DIP2C: variants seen among roughly 807,000 people sequenced by gnomAD.
DIP2C encodes DIP2 acetate--CoA ligase C (putative), also known as disco-interacting protein 2 homolog C.
A neutral mutation model predicts 192.4 loss-of-function variants in DIP2C; 33 were observed. The observed-to-expected ratio is 0.17, with a 90% confidence interval of 0.13 to 0.23. DIP2C has a LOEUF of 0.23. Among genes scored for constraint, DIP2C ranks in the 10% least tolerant of loss-of-function variants. The pLI is 1.00. For missense variants in DIP2C, 1,537 were observed against 2,110.1 expected, an observed-to-expected ratio of 0.73 and a Z score of 5.32; for synonymous variants, 979 against 864.1, an observed-to-expected ratio of 1.13 and a Z score of -2.33.
intron 1 of DIP2C, among the ~76,000 whole-genome samples, chr10:674,789 T>TATATATATATATATATATATATAGAG: frequency 1.1e-4 from 7 of 62,480 alleles, no homozygotes; most frequent in African/African-American, 4.5e-4. Context: ...TATATATATA[T>TATATATATATATATATATATATAGAG]AGAGAGAGAG....
chr10:275,596 A>G lies in DIP2C; in HGVS notation c.*1729T>C, dbSNP rs1170963577. 1 of 152,042 alleles carries G rather than the reference A, an allele frequency of 6.6e-6. No homozygotes were observed. The highest frequency in any genetic ancestry group is 2.4e-5 in the African/African-American group (1 of 41,384). 9.4% of individuals were successfully genotyped at this position (152,042 alleles called of 1,614,324 possible). On this transcript the variant is annotated 3_prime_UTR_variant, in exon 37 of 37. Coordinates refer to ENST00000280886, the MANE Select transcript of DIP2C (RefSeq NM_014974.3). ...GGCAGAGAAAGACGCTGCCCACAAC[A>G]TAATGAAAGATCATCTACATTTTGC...
intron 3 of DIP2C, among the ~76,000 whole-genome samples, chr10:456,719 T>C (rs929542236): frequency 2.6e-5 from 4 of 152,166 alleles, no homozygotes; most frequent in Non-Finnish European, 5.9e-5. Flanking sequence ...GCCATCTGTG[T>C]TCCCTCCCTT....
In DIP2C at chr10:398,051, G is replaced by T. The variant is rs144897618; in HGVS notation, c.1260+1058C>A. On this transcript the variant is annotated intron_variant, in intron 10 of 36. Transcript: ENST00000280886. ...CAAATAGCAGGCCCTGAAAGAAATC[G>T]AAGTATTTTACCTCAAAATATATTT... Among the ~76,000 whole-genome samples the T allele has an allele frequency of 2.0e-3, 299 of 152,170 alleles. 4 individuals carry two copies. In the East Asian group the frequency reaches 0.048, roughly 24 times the overall value.
At chr10:543,021 C>T (rs376691555) in intron 1 of DIP2C, among the ~76,000 whole-genome samples, 1 of 152,224 alleles carries the variant, frequency 6.6e-6, no homozygotes, top group African/African-American at 2.4e-5. Flanking sequence ...TGAGTGATGA[C>T]GATGACACCA....
intron 1 of DIP2C, among the ~76,000 whole-genome samples, chr10:534,014 A>G (rs1847561400): frequency 6.6e-6 from 1 of 150,704 alleles, no homozygotes; most frequent in Non-Finnish European, 1.5e-5. Context: ...AAAAAAAAAA[A>G]GAGGAACGTT....
At chr10:496,501 C>T (rs1433534180) in intron 1 of DIP2C, among the ~76,000 whole-genome samples, 1 of 150,734 alleles carries the variant, frequency 6.6e-6, no homozygotes, top group Non-Finnish European at 1.5e-5. Context: ...CAGTGCCCTC[C>T]CGTGTACTTA....
intron 32 of DIP2C, among the ~76,000 whole-genome samples, chr10:294,813 C>T (rs1955670340): frequency 1.3e-5 from 2 of 151,930 alleles, no homozygotes; most frequent in South Asian, 4.2e-4. Flanking sequence ...CAAAAATAAG[C>T]AAATAGGATT....
chr10:492,201 G>C (rs139061186), intron 1 of DIP2C, among the ~76,000 whole-genome samples: 118 of 152,336 alleles, frequency 7.7e-4, no homozygotes, highest in African/African-American at 2.7e-3. Flanking sequence ...CCAGACAGCA[G>C]ACAGAAGGGT....
chr10:347,877 C>T (rs12772212), intron 26 of DIP2C, among the ~76,000 whole-genome samples: 867 of 3,952 alleles, frequency 0.22, 49 homozygotes, highest in Non-Finnish European at 0.3. Context: ...ATAGCTCTCC[C>T]GGAAACCCCA....
intron 1 of DIP2C, among the ~76,000 whole-genome samples, chr10:567,197 T>G (rs983643395): frequency 1.5e-5 from 2 of 129,384 alleles, no homozygotes; most frequent in African/African-American, 8.9e-5. Flanking sequence ...TGTTTTGTTT[T>G]GTTTTTTTTA....
At chr10:372,960 G>A (rs190374982) in intron 17 of DIP2C, among the ~76,000 whole-genome samples, 122 of 152,330 alleles carry the variant, frequency 8.0e-4, no homozygotes, top group African/African-American at 2.7e-3. Flanking sequence ...GGTACCCTCC[G>A]TGTGCCAAAT....
chr10:417,880 AC>A (rs1160685719), intron 6 of DIP2C, among the ~76,000 whole-genome samples: 2 of 76,038 alleles, frequency 2.6e-5, no homozygotes, highest in Admixed American at 1.3e-4. Flanking sequence ...CTCCCTGTCC[AC>A]CTGCACCTGT....
intron 1 of DIP2C, chr10:668,850 T>C (rs1267871652): frequency 6.6e-6 from 1 of 152,248 alleles, no homozygotes; most frequent in East Asian, 1.9e-4. Context: ...ATTACAATAA[T>C]ATAGCATAAA....
intron 2 of DIP2C, among the ~76,000 whole-genome samples, chr10:475,182 A>T (rs915809361): frequency 6.6e-6 from 1 of 152,140 alleles, no homozygotes; most frequent in Admixed American, 6.5e-5. Context: ...GGAGGAGGAA[A>T]AGCGGCCGCC....
intron 2 of DIP2C, among the ~76,000 whole-genome samples, chr10:473,863 T>A (rs964646859): frequency 6.6e-6 from 1 of 152,256 alleles, no homozygotes; most frequent in Admixed American, 6.5e-5. Flanking sequence ...GTGGACTTCA[T>A]ATTCCTTACT....
intron 31 of DIP2C, among the ~76,000 whole-genome samples, chr10:317,963 C>T (rs1956848198): frequency 6.6e-6 from 1 of 152,310 alleles, no homozygotes; most frequent in South Asian, 2.1e-4. Context: ...GAGGAGGCAT[C>T]GCCTAGGAAG....
chr10:561,367 A>T (rs816622), intron 1 of DIP2C, among the ~76,000 whole-genome samples: 44,394 of 152,044 alleles, frequency 0.29, 10,748 homozygotes, highest in African/African-American at 0.67. Flanking sequence ...ACTGAGAGCC[A>T]CTGGCATGGG....
intron 1 of DIP2C, among the ~76,000 whole-genome samples, chr10:606,712 C>T (rs1422872202): frequency 6.6e-6 from 1 of 152,254 alleles, no homozygotes; most frequent in Non-Finnish European, 1.5e-5. Context: ...AAGCACTCTG[C>T]TGCCTCCTTG....
At chr10:452,775 T>A (rs1391679613) in intron 3 of DIP2C, among the ~76,000 whole-genome samples, 1 of 152,140 alleles carries the variant, frequency 6.6e-6, no homozygotes, top group African/African-American at 2.4e-5. Flanking sequence ...TCTTATGACA[T>A]CCAGCTTAAA....
Sources: gnomAD v4.1 joint callset for allele counts (sites outside exome capture counted in the v4.1 genomes callset) on GRCh38, gnomAD v4.1.1 for gene constraint, MANE v1.5 for transcripts, NCBI Gene and HGNC (gene_info 2026-07-23, HGNC 2026-07-21) for gene names.